MINDY1: variants seen among roughly 807,000 people sequenced by gnomAD.
MINDY1 encodes ubiquitin carboxyl-terminal hydrolase MINDY-1.
MINDY1 carries 50 observed loss-of-function variants against 53.6 expected under a neutral mutation model. The observed-to-expected ratio is 0.93, with a 90% CI of 0.74 to 1.18. MINDY1 has a LOEUF of 1.18. Ranked by LOEUF, MINDY1 falls within the 50% of genes most tolerant of loss-of-function variation. The pLI, the probability that MINDY1 is intolerant of heterozygous loss-of-function variation, is 0.00. For synonymous variants in MINDY1, 231 were observed against 234.7 expected, an observed-to-expected ratio of 0.98 and a Z score of 0.14; for missense variants, 484 against 578.6, an observed-to-expected ratio of 0.84 and a Z score of 1.68.
chr1:151,005,320 C>T (rs1190296772), intron 1 of MINDY1, among the ~76,000 whole-genome samples: 5 of 151,850 alleles, frequency 3.3e-5, no homozygotes, highest in African/African-American at 2.4e-5. Context: ...GGCACGGTGG[C>T]GGGCACCTGT....
At chr1:151,003,567 A>C (rs587660222) in intron 1 of MINDY1, among the ~76,000 whole-genome samples, 1 of 152,250 alleles carries the variant, frequency 6.6e-6, no homozygotes, top group South Asian at 2.1e-4. Context: ...AAATTAATAA[A>C]GATATCAAAT....
rs943209276 is a variant in MINDY1 at position 150,999,741 on chromosome 1, G to A, written c.838+121C>T. On this transcript the variant is annotated intron_variant, in intron 6 of 9. Coordinates refer to ENST00000683666, the MANE Select transcript of MINDY1 (RefSeq NM_001376665.1). This position sits in a 1 kb window ranked among gnomAD's most constrained non-coding sequence, Gnocchi z 4.4. ...AATGAACTAAACAGAAATTCCCCAA[G>A]CTCCTTCTTGTGAAGCTTATATCTA... 11 of 1,037,104 alleles carry A rather than the reference G, an allele frequency of 1.1e-5. No homozygotes were observed. Among genetic ancestry groups the A allele is most frequent in the Non-Finnish European group, 1.5e-5 (11 of 710,866 alleles). 64.2% of individuals were successfully genotyped at this position (1,037,104 alleles called of 1,614,324 possible).
Position 151,001,282 on chromosome 1 carries a change from TCTC to T in MINDY1, c.541_543del (p.Glu181del). On this transcript the variant is annotated inframe_deletion, in exon 4 of 10. Coordinates refer to ENST00000683666, the MANE Select transcript of MINDY1 (RefSeq NM_001376665.1). ...AAATTAAGCTGAAGTCCCTCTGACT[TCTC>T]CTGGGGCTTGATGGACAGGAGGCAG... 3 of 1,614,150 alleles carry T rather than the reference TCTC, an allele frequency of 1.9e-6. No homozygotes were observed. Among genetic ancestry groups the T allele is most frequent in the Non-Finnish European group, 2.5e-6 (3 of 1,180,030 alleles).
intron 4 of MINDY1, among the ~76,000 whole-genome samples, chr1:151,000,978 CAG>C (rs1370392328): frequency 6.6e-6 from 1 of 151,794 alleles, no homozygotes; most frequent in African/African-American, 2.4e-5. Context: ...TTTTTAGAGA[CAG>C]GGGTATTATT....
At chr1:150,998,747 G>A (rs764772592) in intron 7 of MINDY1, among the ~76,000 whole-genome samples, 7 of 152,156 alleles carry the variant, frequency 4.6e-5, no homozygotes, top group Non-Finnish European at 8.8e-5. Flanking sequence ...GAGCACGGTG[G>A]TCATTCTGGC....
upstream of MINDY1, among the ~76,000 whole-genome samples, chr1:151,007,104 C>G (rs1366108651): frequency 1.3e-5 from 2 of 152,180 alleles, no homozygotes; most frequent in African/African-American, 4.8e-5. Flanking sequence ...GCTCTTTTCC[C>G]TCTGGAGCCC....
At chr1:151,003,835 T>C (rs1190466955) in intron 1 of MINDY1, among the ~76,000 whole-genome samples, 1 of 152,192 alleles carries the variant, frequency 6.6e-6, no homozygotes, top group African/African-American at 2.4e-5. Context: ...AATATGAAAA[T>C]GCTGATTATT....
intron 1 of MINDY1, among the ~76,000 whole-genome samples, chr1:151,005,147 A>G (rs1443609058): frequency 3.3e-5 from 5 of 152,108 alleles, no homozygotes; most frequent in Non-Finnish European, 7.4e-5. Flanking sequence ...GAAAAGTGAA[A>G]AAGCTTGAAG....
chr1:150,999,494 A>T lies in MINDY1; in HGVS notation c.856T>A (p.Phe286Ile). The T allele has an allele frequency of 6.2e-7, 1 of 1,613,898 alleles. No homozygotes were observed. ...LVTEGLIAEQ[F>I]LETTAAQLTY... ...AGCTGGGCCGCGGTGGTCTCCAGGA[A>T]CTGCTCTGCAATCAGGCCTGCCAGA... Residue 286 changes from phenylalanine to isoleucine, a missense_variant, in exon 7 of 10, where the codon TTC (phenylalanine) becomes ATC (isoleucine). Transcript: ENST00000683666. The surrounding 1 kb of genome is among the most constrained non-coding windows in gnomAD (Gnocchi z 4.4).
In MINDY1 at chr1:151,006,415, C is replaced by T; in HGVS notation, c.-193G>A. ...GAAGGGGGCTGCCAGTGCCAGCTGC[C>T]TTCCAGCTGTCAACGCCTGAGCTTA... On this transcript the variant is annotated 5_prime_UTR_variant, in exon 1 of 10. Coordinates refer to ENST00000683666, the MANE Select transcript of MINDY1 (RefSeq NM_001376665.1). The T allele has an allele frequency of 7.6e-7, 1 of 1,323,704 alleles. No homozygotes were observed. Among genetic ancestry groups the T allele is most frequent in the Non-Finnish European group, 9.7e-7 (1 of 1,031,552 alleles). The allele number at this position is 1,323,704 out of a possible 1,614,324, so 82.0% of individuals were successfully genotyped here.
At chr1:151,005,603 C>T (rs1396914214) in intron 1 of MINDY1, among the ~76,000 whole-genome samples, 5 of 152,008 alleles carry the variant, frequency 3.3e-5, no homozygotes, top group Non-Finnish European at 5.9e-5. Flanking sequence ...CAGGAGTGGA[C>T]ACCTGAGGGA....
chr1:151,001,276 C>CT lies in MINDY1; in HGVS notation c.549dup (p.Glu184ArgfsTer6). 5 of 1,614,222 alleles carry CT rather than the reference C, an allele frequency of 3.1e-6. No homozygotes were observed. Among genetic ancestry groups the CT allele is most frequent in the Non-Finnish European group, 4.2e-6 (5 of 1,180,052 alleles). On this transcript the variant is annotated frameshift_variant, in exon 4 of 10. Transcript: ENST00000683666. LOFTEE classifies it high-confidence loss of function. Reference sequence around the variant, plus strand: ...TGCTGAAAATTAAGCTGAAGTCCCTCTGACTTCTCCTGGGGCTTGATGGAC... The same window carrying CT: ...TGCTGAAAATTAAGCTGAAGTCCCTCTTGACTTCTCCTGGGGCTTGATGGAC...
chr1:151,002,586 G>C lies in MINDY1; in HGVS notation c.32C>G (p.Pro11Arg). 3 of 1,614,230 alleles carry C rather than the reference G, an allele frequency of 1.9e-6. No homozygotes were observed. Among genetic ancestry groups the C allele is most frequent in the African/African-American group, 1.3e-5 (1 of 75,060 alleles). Residue 11 changes from proline to arginine, a missense_variant, in exon 2 of 10, where the codon CCT (proline) becomes CGT (arginine). Physicochemically the swap from Pro to Arg is moderately radical, Grantham distance 103 (BLOSUM62 -2). Transcript: ENST00000683666. The surrounding 1 kb of genome is among the most constrained non-coding windows in gnomAD (Gnocchi z 4.1). MEYHQPEDPA[P>R]GKAGTAEAVI... is the part of the protein sequence containing the mutation. ...TGCTTCTGCAGTCCCGGCCTTACCAGGGGCTGGATCCTCAGGCTGATGGTA... is the reference window on the plus strand; with the variant it reads ...TGCTTCTGCAGTCCCGGCCTTACCACGGGCTGGATCCTCAGGCTGATGGTA...
chr1:151,000,411 G>C lies in MINDY1; in HGVS notation c.735+46C>G, dbSNP rs773669740. Reference sequence around the variant, plus strand: ...CCCGACAAAAATTTGCCTCTCTCATGTCAGCTTGAGCTGGATAAGGTCCCA... The same window carrying C: ...CCCGACAAAAATTTGCCTCTCTCATCTCAGCTTGAGCTGGATAAGGTCCCA... On this transcript the variant is annotated intron_variant, in intron 5 of 9. Coordinates refer to ENST00000683666, the MANE Select transcript of MINDY1 (RefSeq NM_001376665.1). 304 of 1,531,158 alleles carry C rather than the reference G, an allele frequency of 2.0e-4. 3 individuals carry two copies. In the South Asian group the frequency reaches 3.6e-3, roughly 18 times the overall value. 94.8% of individuals were successfully genotyped at this position (1,531,158 alleles called of 1,614,324 possible).
chr1:150,998,051 TC>T, intron 8 of MINDY1, 30 bp downstream of exon 8: 1 of 1,583,460 alleles, frequency 6.3e-7, no homozygotes, highest in Non-Finnish European at 8.6e-7. Flanking sequence ...GCACATGTGC[TC>T]TCTGCACTTT....
In MINDY1 at chr1:150,999,518, G is replaced by C; in HGVS notation, c.839-7C>G. ...AACTGCTCTGCAATCAGGCCTGCCA[G>C]AAAGGGACGAGTCGGGGGAAACTTG... On this transcript the variant is annotated splice_region_variant and splice_polypyrimidine_tract_variant and intron_variant, in intron 6 of 9. Coordinates refer to ENST00000683666, the MANE Select transcript of MINDY1 (RefSeq NM_001376665.1). This position sits in a 1 kb window ranked among gnomAD's most constrained non-coding sequence, Gnocchi z 4.4. 1 of 1,613,704 alleles carries C rather than the reference G, an allele frequency of 6.2e-7. No homozygotes were observed. Among genetic ancestry groups the C allele is most frequent in the Non-Finnish European group, 8.5e-7 (1 of 1,179,988 alleles).
chr1:150,999,372 A>C lies in MINDY1; in HGVS notation c.978T>G (p.His326Gln). Residue 326 changes from histidine to glutamine, a missense_variant, in exon 7 of 10, where the codon CAT becomes CAG. By Grantham distance (24) the His-to-Gln change is conservative. Transcript: ENST00000683666. This position sits in a 1 kb window ranked among gnomAD's most constrained non-coding sequence, Gnocchi z 4.4. Reference sequence around the variant, plus strand: ...GCCACCCCCAAACTCGCATTACCTTATGCTTAGTCATGGTGCTAAAGTGGT... The same window carrying C: ...GCCACCCCCAAACTCGCATTACCTTCTGCTTAGTCATGGTGCTAAAGTGGT... Reference protein sequence around the residue: ...RNNHFSTMTKHKSHLYLLVTD... With the variant: ...RNNHFSTMTKQKSHLYLLVTD... 1 of 1,614,094 alleles carries C rather than the reference A, an allele frequency of 6.2e-7. No individual in the cohort carries two copies. The highest frequency in any genetic ancestry group is 8.5e-7 in the Non-Finnish European group (1 of 1,180,000).
intron 1 of MINDY1, 186 bp downstream of exon 1, chr1:151,006,126 T>G: frequency 6.4e-7 from 1 of 1,551,572 alleles, no homozygotes; most frequent in South Asian, 1.2e-5. Flanking sequence ...GTTTCGTGCT[T>G]TCATTAAAAG....
chr1:151,001,862 A>G (rs1672622283), intron 2 of MINDY1, 80 bp from the exon 3 acceptor site: 1 of 1,468,518 alleles, frequency 6.8e-7, no homozygotes, highest in Non-Finnish European at 9.2e-7. Context: ...GGCAAGGGGG[A>G]GCTCCAGTAG....
Sources: allele counts gnomAD v4.1 joint callset (sites outside exome capture counted in the v4.1 genomes callset), GRCh38; gene constraint gnomAD v4.1.1; non-coding constraint Gnocchi (gnomAD v3.1); transcripts MANE v1.5; gene names NCBI Gene and HGNC (gene_info 2026-07-23, HGNC 2026-07-21).